LYPLAL1: variants seen among roughly 807,000 people sequenced by gnomAD.
The protein encoded by LYPLAL1 is lysophospholipase-like protein 1.
In LYPLAL1, 23 loss-of-function variants were observed where a neutral mutation model predicts 19.7. The observed-to-expected ratio is 1.17, with a 90% CI of 0.84 to 1.65. LYPLAL1 has a LOEUF of 1.65. Ranked by LOEUF, LYPLAL1 falls within the 40% of genes most tolerant of loss-of-function variation. The pLI is 0.00. For synonymous variants in LYPLAL1, 119 were observed against 96.3 expected, an observed-to-expected ratio of 1.24 and a Z score of -1.38; for missense variants, 355 against 279.4, an observed-to-expected ratio of 1.27 and a Z score of -1.93.
chr1:219,360,340 A>C, the LYPLAL1 span, among the ~76,000 whole-genome samples: 1 of 152,014 alleles, frequency 6.6e-6, no homozygotes, highest in African/African-American at 2.4e-5. Context: ...TGATGAGACC[A>C]TCTCTTCTTG....
chr1:219,211,545 T>C lies in LYPLAL1; in HGVS notation c.531T>C (p.Thr177=), dbSNP rs1265414358. The C allele has an allele frequency of 1.2e-6, 2 of 1,613,394 alleles. No homozygotes were observed. Among genetic ancestry groups the C allele is most frequent in the Admixed American group, 3.3e-5 (2 of 59,964 alleles). ...CTGAATTATTTCAGTGTCATGGTACTGCAGATGAGTTAGTTCTTCATTCTT... is the reference window on the plus strand; with the variant it reads ...CTGAATTATTTCAGTGTCATGGTACCGCAGATGAGTTAGTTCTTCATTCTT... The part of the protein sequence containing the change: ...VLPELFQCHG[T]ADELVLHSWA... Residue 177 remains threonine, a synonymous_variant, in exon 5 of 5, where the codon ACT becomes ACC. Coordinates refer to ENST00000366928, the MANE Select transcript of LYPLAL1 (RefSeq NM_138794.5).
the LYPLAL1 span, among the ~76,000 whole-genome samples, chr1:219,286,305 A>C: frequency 6.6e-6 from 1 of 152,182 alleles, no homozygotes; most frequent in South Asian, 2.1e-4. Flanking sequence ...TACTATTTTA[A>C]TATTAAACAA....
the LYPLAL1 span, among the ~76,000 whole-genome samples, chr1:219,359,817 G>A: frequency 6.6e-6 from 1 of 152,166 alleles, no homozygotes; most frequent in Non-Finnish European, 1.5e-5. Flanking sequence ...GGTAGTCAAA[G>A]CCAGCTTTAT....
At chr1:219,362,578 T>C in the LYPLAL1 span, among the ~76,000 whole-genome samples, 2 of 152,014 alleles carry the variant, frequency 1.3e-5, no homozygotes, top group African/African-American at 4.8e-5. Flanking sequence ...GGAGGACAAA[T>C]GGAAGCAGGA....
the LYPLAL1 span, among the ~76,000 whole-genome samples, chr1:219,440,066 A>G: frequency 1.4e-5 from 2 of 147,076 alleles, no homozygotes; most frequent in South Asian, 2.1e-4. Flanking sequence ...CTCTAGTGAT[A>G]CTAAGAAATT....
chr1:219,386,257 TA>T, the LYPLAL1 span, among the ~76,000 whole-genome samples: 1 of 152,316 alleles, frequency 6.6e-6, no homozygotes, highest in African/African-American at 2.4e-5. Context: ...GTAGAACCAG[TA>T]AACAATGGCC....
intron 3 of LYPLAL1, among the ~76,000 whole-genome samples, chr1:219,204,016 A>T (rs1451101561): frequency 1.3e-5 from 2 of 152,198 alleles, no homozygotes; most frequent in African/African-American, 4.8e-5. Flanking sequence ...AATAGAAAAA[A>T]TAGTAAACTT....
At chr1:219,272,187 G>C in the LYPLAL1 span, 1 of 152,602 alleles carries the variant, frequency 6.6e-6, no homozygotes, top group Admixed American at 6.5e-5. Context: ...CCAGCAGAAA[G>C]AAAGAATTGG....
At chr1:219,215,656 C>T (rs1558251463), downstream of LYPLAL1, among the ~76,000 whole-genome samples, 1 of 152,090 alleles carries the variant, frequency 6.6e-6, no homozygotes, top group South Asian at 2.1e-4. Flanking sequence ...TACTCAGACT[C>T]ATAACTGTGT....
chr1:219,209,957 G>A (rs1014507562), intron 3 of LYPLAL1, among the ~76,000 whole-genome samples: 3 of 151,786 alleles, frequency 2.0e-5, no homozygotes, highest in Admixed American at 6.6e-5. Context: ...CTACATATAG[G>A]CATACATGTT....
At chr1:219,199,358 A>T (rs1657884882) in intron 3 of LYPLAL1, among the ~76,000 whole-genome samples, 1 of 152,194 alleles carries the variant, frequency 6.6e-6, no homozygotes, top group Non-Finnish European at 1.5e-5. Flanking sequence ...ATGGTAAAAA[A>T]TTTTATAACA....
chr1:219,279,172 G>A, the LYPLAL1 span, among the ~76,000 whole-genome samples: 1 of 152,164 alleles, frequency 6.6e-6, no homozygotes. Flanking sequence ...AACACTTGTT[G>A]GGTTAATGTT....
the LYPLAL1 span, among the ~76,000 whole-genome samples, chr1:219,377,536 G>A: frequency 6.6e-5 from 10 of 152,094 alleles, 1 homozygote; most frequent in South Asian, 2.1e-3. Flanking sequence ...AAGTATACTT[G>A]AACAATTTTT....
chr1:219,306,665 T>C, the LYPLAL1 span, among the ~76,000 whole-genome samples: 5 of 151,640 alleles, frequency 3.3e-5, no homozygotes, highest in African/African-American at 1.2e-4. Flanking sequence ...TATGTAGATA[T>C]TGGGGCTTGT....
chr1:219,314,229 T>C, the LYPLAL1 span, among the ~76,000 whole-genome samples: 3 of 152,232 alleles, frequency 2.0e-5, no homozygotes, highest in East Asian at 3.8e-4. Flanking sequence ...TCTACCATCA[T>C]TGGGCATTTA....
chr1:219,326,942 C>T, the LYPLAL1 span, among the ~76,000 whole-genome samples: 1 of 152,070 alleles, frequency 6.6e-6, no homozygotes, highest in Non-Finnish European at 1.5e-5. Flanking sequence ...GCACAGTAAA[C>T]AACAGCAGGG....
At chr1:219,175,512 C>T (rs543199805) in intron 1 of LYPLAL1, among the ~76,000 whole-genome samples, 49 of 152,224 alleles carry the variant, frequency 3.2e-4, no homozygotes, top group African/African-American at 1.2e-3. Flanking sequence ...TTCCCCTGGA[C>T]CTCTTTGCTT....
intron 3 of LYPLAL1, among the ~76,000 whole-genome samples, chr1:219,195,085 T>G (rs1657499007): frequency 6.6e-6 from 1 of 152,090 alleles, no homozygotes; most frequent in African/African-American, 2.4e-5. Context: ...TTACCTACAC[T>G]TAATTTTTGC....
At chr1:219,307,176 G>A in the LYPLAL1 span, among the ~76,000 whole-genome samples, 1 of 152,084 alleles carries the variant, frequency 6.6e-6, no homozygotes, top group Non-Finnish European at 1.5e-5. Flanking sequence ...AAACTAGCTG[G>A]TCACAAATTC....
Sources: gnomAD v4.1 joint callset for allele counts (sites outside exome capture counted in the v4.1 genomes callset) on GRCh38, gnomAD v4.1.1 for gene constraint, MANE v1.5 for transcripts, NCBI Gene and HGNC (gene_info 2026-07-23, HGNC 2026-07-21) for gene names.